IQCH: variants seen among roughly 807,000 people sequenced by gnomAD.
The protein encoded by IQCH is IQ motif containing H.
A neutral mutation model predicts 117.0 loss-of-function variants in IQCH; 98 were observed. That is an observed-to-expected ratio of 0.84 (90% confidence interval 0.71 to 0.99). The LOEUF (loss-of-function observed/expected upper bound fraction) is 0.99. IQCH is among the 50% of genes least tolerant of loss of function. IQCH has a pLI of 0.00. For synonymous variants in IQCH, 412 were observed against 448.2 expected (o/e 0.92, Z 1.02); for missense variants, 1,102 against 1,243.8 (o/e 0.89, Z 1.72).
intron 3 of IQCH, among the ~76,000 whole-genome samples, chr15:67,278,542 A>G (rs1966222089): frequency 6.6e-6 from 1 of 152,232 alleles, no homozygotes; most frequent in Admixed American, 6.5e-5. Flanking sequence ...TCCAGTTTTC[A>G]GGACAGCAGT....
chr15:67,361,765 TG>T (rs1211614172), intron 8 of IQCH, among the ~76,000 whole-genome samples: 1 of 152,224 alleles, frequency 6.6e-6, no homozygotes, highest in African/African-American at 2.4e-5. Context: ...AGTCAGGCTT[TG>T]CACAGGATCC....
rs2081920814 is a variant in IQCH, at chr15:67,427,498, GAA to G, written c.2505+5922_2505+5923del. Among the ~76,000 whole-genome samples the G allele has an allele frequency of 6.6e-6, 1 of 152,060 alleles. No homozygotes were observed. Among genetic ancestry groups the G allele is most frequent in the East Asian group, 1.9e-4 (1 of 5,130 alleles). The stretch of plus-strand genomic sequence containing the variant: ...CCCAAAGTGCTTGGATTACAGGTGT[GAA>G]CCACTGTGCCTGGCCTCCAGCTCTT... On this transcript the variant is annotated intron_variant, in intron 16 of 20. Coordinates refer to ENST00000335894, the MANE Select transcript of IQCH (RefSeq NM_001031715.3). This position sits in a 1 kb window ranked among gnomAD's most constrained non-coding sequence, Gnocchi z 4.7.
In IQCH at chr15:67,408,613, A is replaced by G. The variant is rs2081365356; in HGVS notation, c.2097+8308A>G. ...GTCACTGCTTGCCCATTCCTTTTGCATAAAATTAAAATATAAATTCTCCTG... is the reference window on the plus strand; with the variant it reads ...GTCACTGCTTGCCCATTCCTTTTGCGTAAAATTAAAATATAAATTCTCCTG... On this transcript the variant is annotated intron_variant, in intron 14 of 20. Transcript: ENST00000335894. The surrounding 1 kb of genome is among the most constrained non-coding windows in gnomAD (Gnocchi z 4.2). The G allele has an allele frequency of 6.6e-6, 1 of 152,216 alleles. No individual in the cohort carries two copies. Among genetic ancestry groups the G allele is most frequent in the African/African-American group, 2.4e-5 (1 of 41,464 alleles). The allele number at this position is 152,216 out of a possible 1,614,324, so 9.4% of individuals were successfully genotyped here. A position where few individuals can be genotyped will look rare whatever the true frequency, so the allele number is the denominator to read the frequency against.
At position 67,491,148 on chromosome 15, in the gene IQCH, A is replaced by G. The variant is rs2083643264; in HGVS notation, c.2861+1084A>G. Among the ~76,000 whole-genome samples, 1 of 152,112 alleles carries G rather than the reference A, an allele frequency of 6.6e-6. No homozygotes were observed. Among genetic ancestry groups the G allele is most frequent in the Admixed American group, 6.6e-5 (1 of 15,264 alleles). On this transcript the variant is annotated intron_variant, in intron 19 of 20. Transcript: ENST00000335894. The surrounding 1 kb of genome is among the most constrained non-coding windows in gnomAD (Gnocchi z 4.9). Reference sequence around the variant, plus strand: ...CATAAAAACTAACCAAATAAGAGCCAATTCCTCTACGAAGCACTGATGTTC... The same window carrying G: ...CATAAAAACTAACCAAATAAGAGCCGATTCCTCTACGAAGCACTGATGTTC...
intron 2 of IQCH, among the ~76,000 whole-genome samples, chr15:67,262,267 G>A (rs1769586519): frequency 6.6e-6 from 1 of 152,112 alleles, no homozygotes; most frequent in Non-Finnish European, 1.5e-5. Flanking sequence ...CTAAGGTCGG[G>A]GAGAATCCAG....
chr15:67,410,526 T>C (rs2081422910), intron 14 of IQCH, among the ~76,000 whole-genome samples: 1 of 152,216 alleles, frequency 6.6e-6, no homozygotes, highest in African/African-American at 2.4e-5. Context: ...AAAGCTGCTT[T>C]CTCAGAAGCC....
At chr15:67,321,747 A>G (rs1968144636) in intron 4 of IQCH, among the ~76,000 whole-genome samples, 1 of 152,084 alleles carries the variant, frequency 6.6e-6, no homozygotes, top group Admixed American at 6.6e-5. Flanking sequence ...TATTGAATCA[A>G]CCAATCTCAG....
intron 18 of IQCH, among the ~76,000 whole-genome samples, chr15:67,485,816 G>C (rs1359600367): frequency 6.6e-6 from 1 of 151,744 alleles, no homozygotes; most frequent in African/African-American, 2.4e-5. Flanking sequence ...GCGCCACCAT[G>C]CCCAGCTAGT....
chr15:67,404,770 A>G lies in IQCH; in HGVS notation c.2097+4465A>G, dbSNP rs1375177330. 1 of 152,186 alleles carries G rather than the reference A, an allele frequency of 6.6e-6. No homozygotes were observed. The highest frequency in any genetic ancestry group is 1.5e-5 in the Non-Finnish European group (1 of 68,014). 9.4% of individuals were successfully genotyped at this position (152,186 alleles called of 1,614,324 possible). The stretch of plus-strand genomic sequence containing the variant: ...TTCAACTAAGTTGGAAATTTAGGCT[A>G]TTCCCAGCTTTCATTTTTTGGCAGT... On this transcript the variant is annotated intron_variant, in intron 14 of 20. Transcript: ENST00000335894. The surrounding 1 kb of genome is among the most constrained non-coding windows in gnomAD (Gnocchi z 4.6).
chr15:67,427,259 A>G lies in IQCH; in HGVS notation c.2505+5682A>G, dbSNP rs1269427612. Among the ~76,000 whole-genome samples the G allele has an allele frequency of 1.3e-5, 2 of 152,134 alleles. No homozygotes were observed. The highest frequency in any genetic ancestry group is 2.9e-5 in the Non-Finnish European group (2 of 68,036). Reference sequence around the variant, plus strand: ...TCCTGCCATCTTCTTTGCCTACTCTATCTGTGCCCTACCCCTCCATGCCTC... The same window carrying G: ...TCCTGCCATCTTCTTTGCCTACTCTGTCTGTGCCCTACCCCTCCATGCCTC... On this transcript the variant is annotated intron_variant, in intron 16 of 20. Coordinates refer to ENST00000335894, the MANE Select transcript of IQCH (RefSeq NM_001031715.3). This position sits in a 1 kb window ranked among gnomAD's most constrained non-coding sequence, Gnocchi z 4.7.
At chr15:67,373,562 T>C (rs1970635316) in intron 10 of IQCH, 129 bp downstream of exon 10, 1 of 728,510 alleles carries the variant, frequency 1.4e-6, no homozygotes, top group Non-Finnish European at 2.5e-6. Flanking sequence ...GTTCTCGACA[T>C]GATGAGAGTA....
At position 67,388,424 on chromosome 15, in the gene IQCH, C is replaced by T. The variant is rs1971175488; in HGVS notation, c.1457-407C>T. On this transcript the variant is annotated intron_variant, in intron 11 of 20. Transcript: ENST00000335894. The surrounding 1 kb of genome is among the most constrained non-coding windows in gnomAD (Gnocchi z 5.5). ...CATACAGAATAAGAAATTGCAATTT[C>T]ATCAGCTTTGTAAAGTTAGTAGCTC... 6.6e-6 allele frequency among the ~76,000 whole-genome samples: 1 copy of T among 150,834 alleles called. No homozygotes were observed. The highest frequency in any genetic ancestry group is 1.5e-5 in the Non-Finnish European group (1 of 67,594).
In IQCH at chr15:67,388,820, G is replaced by A; in HGVS notation, c.1457-11G>A. On this transcript the variant is annotated splice_polypyrimidine_tract_variant and intron_variant, in intron 11 of 20. Transcript: ENST00000335894. This position sits in a 1 kb window ranked among gnomAD's most constrained non-coding sequence, Gnocchi z 5.5. ...CACACCAGTAATTAACATTGTGCCT[G>A]TTGTTTTTAGATGCCAATGTGAATG... 6.2e-7 allele frequency: 1 copy of A among 1,609,658 alleles called. No homozygotes were observed. Among genetic ancestry groups the A allele is most frequent in the Non-Finnish European group, 8.5e-7 (1 of 1,176,268 alleles).
chr15:67,450,617 C>T lies in IQCH; in HGVS notation c.2506-14510C>T, dbSNP rs199680744. On this transcript the variant is annotated intron_variant, in intron 16 of 20. Transcript: ENST00000335894. The stretch of plus-strand genomic sequence containing the variant: ...AAGCTTTTTGATGTGCTACTGGATT[C>T]GGTTTGCCAGTATTTTATTGAGGAT... 3.9e-4 allele frequency among the ~76,000 whole-genome samples: 60 copies of T among 152,126 alleles called. No individual in the cohort carries two copies. The East Asian group carries it at 9.3e-3, about 23-fold the overall frequency.
rs1555449809 is a variant in IQCH, at chr15:67,322,804, C to CCCA, written c.388-14170_388-14169insCAC. ...GGATGTGGGGGGTGGTTCCCCACCA[C>CCCA]CAGTTGGGTGGTTTATCTTCCAGTC... is the stretch of plus-strand genomic sequence containing the variant. On this transcript the variant is annotated intron_variant, in intron 4 of 20. Coordinates refer to ENST00000335894, the MANE Select transcript of IQCH (RefSeq NM_001031715.3). Among the ~76,000 whole-genome samples, 5 of 152,302 alleles carry CCCA rather than the reference C, an allele frequency of 3.3e-5. No individual in the cohort carries two copies. The East Asian group carries it at 7.7e-4, about 24-fold the overall frequency.
At position 67,337,030 on chromosome 15, in the gene IQCH, C is replaced by T. The variant is rs1968923751; in HGVS notation, c.443C>T (p.Pro148Leu). The change falls in exon 5 of 21, where the codon CCA (proline) becomes CTA (leucine). Residue 148 changes from proline (P) to leucine (L), a missense_variant. Transcript: ENST00000335894. Reference protein sequence around the residue: ...GSNISSLTVLPSSHCTDPYFT... With the variant: ...GSNISSLTVLLSSHCTDPYFT... ...AACATATCCAGCCTCACGGTTCTGCCATCTTCTCATTGCACAGATCCCTAT... is the reference window on the plus strand; with the variant it reads ...AACATATCCAGCCTCACGGTTCTGCTATCTTCTCATTGCACAGATCCCTAT... 6.2e-7 allele frequency: 1 copy of T among 1,613,454 alleles called. No individual in the cohort carries two copies. The highest frequency in any genetic ancestry group is 1.7e-5 in the Admixed American group (1 of 59,968).
At chr15:67,284,290 G>A (rs750833691) in intron 4 of IQCH, among the ~76,000 whole-genome samples, 79 of 151,990 alleles carry the variant, frequency 5.2e-4, no homozygotes, top group Non-Finnish European at 9.0e-4. Flanking sequence ...ATAAAAACAC[G>A]TGAATCATGT....
intron 16 of IQCH, among the ~76,000 whole-genome samples, chr15:67,462,044 C>T (rs372838852): frequency 7.2e-5 from 11 of 151,964 alleles, no homozygotes; most frequent in African/African-American, 1.9e-4. Context: ...TGCCCAGGAT[C>T]GTCTTGAACT....
At chr15:67,478,722 G>A (rs556884944) in intron 18 of IQCH, among the ~76,000 whole-genome samples, 4 of 152,044 alleles carry the variant, frequency 2.6e-5, no homozygotes, top group East Asian at 3.9e-4. Context: ...TCAGGAGATC[G>A]AGACCATCCT....
Sources: gnomAD v4.1 joint callset for allele counts (sites outside exome capture counted in the v4.1 genomes callset) on GRCh38, gnomAD v4.1.1 for gene constraint, Gnocchi (gnomAD v3.1) non-coding constraint, MANE v1.5 for transcripts, NCBI Gene and HGNC (gene_info 2026-07-23, HGNC 2026-07-21) for gene names.